The following HFM1 variants were observed in gnomAD, a reference collection of about 807,000 sequenced individuals.
HFM1 encodes probable ATP-dependent DNA helicase HFM1.
HFM1 carries 169 observed loss-of-function variants against 192.1 expected under a neutral mutation model. The ratio of observed to expected loss-of-function variants is 0.88; its 90% CI spans 0.78 to 1.00. The LOEUF (loss-of-function observed/expected upper bound fraction) is 1.00. Among genes scored for constraint, HFM1 ranks in the 50% least tolerant of loss-of-function variants. The pLI is 0.00. For synonymous variants in HFM1, 525 were observed against 537.8 expected (o/e 0.98, Z 0.33); for missense variants, 1,661 against 1,668.0 (o/e 1.00, Z 0.07).
chr1:91,368,095 T>C (rs1354836537), intron 13 of HFM1, among the ~76,000 whole-genome samples: 1 of 152,166 alleles, frequency 6.6e-6, no homozygotes, highest in African/African-American at 2.4e-5. Context: ...TATGGGACTA[T>C]GTGAAAAGAC....
chr1:91,367,773 AGAG>A (rs1199007695), intron 13 of HFM1, among the ~76,000 whole-genome samples: 4 of 152,174 alleles, frequency 2.6e-5, no homozygotes, highest in African/African-American at 9.7e-5. Context: ...ACGAGTTGAG[AGAG>A]GAAGGCTTCA....
chr1:91,335,484 G>C (rs1654439353), intron 20 of HFM1, among the ~76,000 whole-genome samples: 4 of 152,004 alleles, frequency 2.6e-5, no homozygotes, highest in South Asian at 2.1e-4. Flanking sequence ...ACCTAGAAAG[G>C]AAAGCATAAG....
At chr1:91,343,230 CAAAAAAA>C (rs34902756) in intron 20 of HFM1, among the ~76,000 whole-genome samples, 193 bp downstream of exon 20, 4 of 74,912 alleles carry the variant, frequency 5.3e-5, no homozygotes, top group South Asian at 6.2e-4. Flanking sequence ...GACTCTGTCT[CAAAAAAA>C]AAAAAAAAAA....
rs1226710229 is a variant in HFM1, at chr1:91,364,625, TATA to T, written c.1685+10730_1685+10732del. 4.3e-3 allele frequency among the ~76,000 whole-genome samples: 177 copies of T among 40,986 alleles called. 1 individual carries two copies. The highest frequency in any genetic ancestry group is 0.012 in the African/African-American group (156 of 12,862). The allele number at this position is 40,986 out of a possible 152,430, so 26.9% of individuals were successfully genotyped here. A position where few individuals can be genotyped will look rare whatever the true frequency, so the allele number is the denominator to read the frequency against. ...ACATATACATATATATATATATATA[TATA>T]TATATTTTTTTTTTTTTTTTGAGAC... On this transcript the variant is annotated intron_variant, in intron 13 of 38. Transcript: ENST00000370425.
intron 36 of HFM1, among the ~76,000 whole-genome samples, chr1:91,264,359 G>GTTTTTTTTTTTTTTTTTTTT (rs1466938761): frequency 2.2e-4 from 12 of 54,064 alleles, no homozygotes; most frequent in South Asian, 2.0e-3. Flanking sequence ...CACAAATTTA[G>GTTTTTTTTTTTTTTTTTTTT]TATTTTTTTT....
chr1:91,331,605 T>C (rs1346257996), intron 20 of HFM1, among the ~76,000 whole-genome samples: 1 of 152,190 alleles, frequency 6.6e-6, no homozygotes, highest in Non-Finnish European at 1.5e-5. Flanking sequence ...ATTAAAACTA[T>C]AAAACACTGG....
At chr1:91,322,085 A>G (rs1335746725) in intron 23 of HFM1, among the ~76,000 whole-genome samples, 1 of 152,224 alleles carries the variant, frequency 6.6e-6, no homozygotes, top group Non-Finnish European at 1.5e-5. Flanking sequence ...CTCTAAGGAT[A>G]TATGAATTTA....
chr1:91,368,606 C>T (rs531467314), intron 13 of HFM1, among the ~76,000 whole-genome samples: 1 of 152,262 alleles, frequency 6.6e-6, no homozygotes, highest in East Asian at 1.9e-4. Flanking sequence ...AAGCAATAAA[C>T]ATGGAAAGGA....
chr1:91,276,636 G>A lies in HFM1; in HGVS notation c.3580C>T (p.Arg1194Cys), dbSNP rs773978254. ...NAVSSVPPVK[R>C]LKIQMNKSQS... Reference sequence around the variant, plus strand: ...ATGTTATTAAAACTAACCTTCAGACGTTTAACTGGAGGAACAGATGAAACA... The same window carrying A: ...ATGTTATTAAAACTAACCTTCAGACATTTAACTGGAGGAACAGATGAAACA... The change falls in exon 32 of 39, where the codon CGT (arginine) becomes TGT (cysteine). Residue 1194 changes from arginine (R) to cysteine (C), a missense_variant. Transcript: ENST00000370425. The A allele has an allele frequency of 1.3e-5, 19 of 1,479,030 alleles. No homozygotes were observed. The highest frequency in any genetic ancestry group is 9.4e-5 in the East Asian group (4 of 42,672). 91.6% of individuals were successfully genotyped at this position (1,479,030 alleles called of 1,614,324 possible). A position where few individuals can be genotyped will look rare whatever the true frequency, so the allele number is the denominator to read the frequency against.
At chr1:91,351,688 T>C (rs771081482) in intron 16 of HFM1, 45 bp from the exon 17 acceptor site, 1 of 996,994 alleles carries the variant, frequency 1.0e-6, no homozygotes, top group South Asian at 1.4e-5. Flanking sequence ...GAGCACATCT[T>C]GGTAGCAGTC....
chr1:91,298,252 GAAAC>G (rs1291712248), intron 30 of HFM1, among the ~76,000 whole-genome samples: 4 of 152,128 alleles, frequency 2.6e-5, no homozygotes, highest in Non-Finnish European at 4.4e-5. Context: ...AGAATAAAAA[GAAAC>G]AAACAAAGCC....
chr1:91,334,495 C>T (rs1654294026), intron 20 of HFM1, among the ~76,000 whole-genome samples: 1 of 151,934 alleles, frequency 6.6e-6, no homozygotes, highest in African/African-American at 2.4e-5. Flanking sequence ...AACAGGTGAC[C>T]ACTTAAAATT....
chr1:91,391,504 G>A (rs1662988365), intron 4 of HFM1, among the ~76,000 whole-genome samples: 1 of 152,166 alleles, frequency 6.6e-6, no homozygotes, highest in African/African-American at 2.4e-5. Flanking sequence ...AATGGGGAAA[G>A]GATTCCCTAT....
Position 91,277,046 on chromosome 1 carries a change from T to C in HFM1, c.3408A>G (p.Lys1136=), listed in dbSNP as rs920805141. 3.1e-6 allele frequency: 5 copies of C among 1,594,116 alleles called. No individual in the cohort carries two copies. In the African/African-American group the frequency reaches 5.4e-5, roughly 17 times the overall value. Residue 1136 remains lysine (K), a synonymous_variant, in exon 31 of 39, where the codon AAA becomes AAG. Coordinates refer to ENST00000370425, the MANE Select transcript of HFM1 (RefSeq NM_001017975.6). Reference sequence around the variant, plus strand: ...GATTGCATTCTCGGTTCCCAGGTTTTTTGCTGGCAGTCGTTCCTAAATTAA... The same window carrying C: ...GATTGCATTCTCGGTTCCCAGGTTTCTTGCTGGCAGTCGTTCCTAAATTAA... The part of the protein sequence containing the change: ...AGPNKGTTAS[K]KPGNRECNHL...
chr1:91,266,107 C>A lies in HFM1; in HGVS notation c.3884G>T (p.Gly1295Val). The A allele has an allele frequency of 6.3e-7, 1 of 1,589,850 alleles. No individual in the cohort carries two copies. The change falls in exon 36 of 39, where the codon GGA (glycine) becomes GTA (valine). Residue 1295 changes from glycine (G) to valine (V), a missense_variant and splice_region_variant. By Grantham distance (109) the Gly-to-Val change is moderately radical. Coordinates refer to ENST00000370425, the MANE Select transcript of HFM1 (RefSeq NM_001017975.6). ...ACTTGAACTCAAAGTGTTTCCAAAT[C>A]CTATGTGAAGAGATAACATTTTGAA... ...STDTEKTKIS[G>V]FGNTLSSSTR... is the part of the protein sequence containing the mutation.
intron 20 of HFM1, among the ~76,000 whole-genome samples, chr1:91,335,973 C>T (rs533308877): frequency 1.3e-5 from 2 of 151,770 alleles, no homozygotes; most frequent in South Asian, 4.2e-4. Context: ...TCCCTCTCTC[C>T]CTCTCTCCTT....
intron 32 of HFM1, among the ~76,000 whole-genome samples, 176 bp from the exon 33 acceptor site, chr1:91,274,985 A>ATT (rs369981082): frequency 0.02 from 2,715 of 132,894 alleles, 65 homozygotes; most frequent in Middle Eastern, 0.033. Context: ...AAATGTTGGC[A>ATT]TTTTTTTTTT....
At position 91,368,719 on chromosome 1, in the gene HFM1, T is replaced by C. The variant is rs548023810; in HGVS notation, c.1685+6639A>G. The stretch of plus-strand genomic sequence containing the variant: ...CGAGCAAAATAACCAGCTAACATCA[T>C]AATGACAGGATCAAATTCACACATA... On this transcript the variant is annotated intron_variant, in intron 13 of 38. Transcript: ENST00000370425. Among the ~76,000 whole-genome samples the C allele has an allele frequency of 2.0e-5, 3 of 152,256 alleles. No homozygotes were observed. The South Asian group carries it at 6.2e-4, about 32-fold the overall frequency.
chr1:91,400,120 A>G (rs1390273356), intron 2 of HFM1, among the ~76,000 whole-genome samples: 1 of 152,156 alleles, frequency 6.6e-6, no homozygotes, highest in African/African-American at 2.4e-5. Flanking sequence ...AACAAGTAAA[A>G]TAATGAGGCA....
Sources: gnomAD v4.1 joint callset for allele counts (sites outside exome capture counted in the v4.1 genomes callset) on GRCh38, gnomAD v4.1.1 for gene constraint, MANE v1.5 for transcripts, NCBI Gene and HGNC (gene_info 2026-07-23, HGNC 2026-07-21) for gene names.